The following PCDHA1 variants were observed in gnomAD, a reference collection of about 807,000 sequenced individuals.
PCDHA1 encodes protocadherin alpha 1.
In PCDHA1, 42 loss-of-function variants were observed where a neutral mutation model predicts 61.3. That is an observed-to-expected ratio of 0.69 (90% CI 0.54 to 0.89). The LOEUF (loss-of-function observed/expected upper bound fraction) is 0.89. PCDHA1 is among the 40% of genes least tolerant of loss of function. PCDHA1 has a pLI of 0.00. For missense variants in PCDHA1, 1,256 were observed against 1,235.3 expected, an observed-to-expected ratio of 1.02 and a Z score of -0.25; for synonymous variants, 610 against 553.8, an observed-to-expected ratio of 1.10 and a Z score of -1.43.
At chr5:140,858,024 C>T (rs782656168) in intron 1 of PCDHA1, 4 of 1,596,582 alleles carry the variant, frequency 2.5e-6, no homozygotes, top group African/African-American at 1.3e-5. Context: ...CCGTCGCTGA[C>T]GGCCACGGCC....
chr5:141,003,370 G>A (rs192935173), intron 3 of PCDHA1, among the ~76,000 whole-genome samples: 1 of 152,262 alleles, frequency 6.6e-6, no homozygotes, highest in East Asian at 1.9e-4. Context: ...GGAGTGCAGT[G>A]GTGCAATCTC....
chr5:140,949,068 CTT>C (rs1199095008), intron 1 of PCDHA1, among the ~76,000 whole-genome samples: 2 of 151,676 alleles, frequency 1.3e-5, no homozygotes, highest in African/African-American at 4.8e-5. Context: ...TGATTTAACT[CTT>C]TCACCCATTT....
intron 1 of PCDHA1, among the ~76,000 whole-genome samples, chr5:140,905,776 G>A (rs190550917): frequency 2.4e-3 from 372 of 152,186 alleles, no homozygotes; most frequent in Non-Finnish European, 4.1e-3. Context: ...ATTCCGAAGT[G>A]TATTAGTCAG....
At chr5:140,868,000 C>G (rs2050232725) in intron 1 of PCDHA1, 1 of 152,022 alleles carries the variant, frequency 6.6e-6, no homozygotes, top group Non-Finnish European at 1.5e-5. Flanking sequence ...ATGAATATAA[C>G]TGAATTAGAT....
chr5:140,865,903 ATCTT>A (rs1453140496), intron 1 of PCDHA1: 10 of 152,252 alleles, frequency 6.6e-5, no homozygotes, highest in African/African-American at 1.9e-4. Flanking sequence ...GTACAGGCAA[ATCTT>A]TCTTTCTGTT....
At chr5:140,991,590 G>A (rs1211923014) in intron 3 of PCDHA1, among the ~76,000 whole-genome samples, 2 of 152,098 alleles carry the variant, frequency 1.3e-5, no homozygotes, top group Non-Finnish European at 2.9e-5. Context: ...ATTTCTACCT[G>A]AGCCCTCACT....
At chr5:140,848,630 G>T in intron 1 of PCDHA1, 1 of 1,593,376 alleles carries the variant, frequency 6.3e-7, no homozygotes, top group Non-Finnish European at 8.6e-7. Flanking sequence ...GCACCTTCGT[G>T]GGCCGCATCG....
intron 1 of PCDHA1, chr5:140,928,717 T>C: frequency 6.2e-7 from 1 of 1,614,208 alleles, no homozygotes; most frequent in Non-Finnish European, 8.5e-7. Context: ...CTCTAGTCTC[T>C]TTAGAATTTC....
chr5:140,835,450 C>G lies in PCDHA1; in HGVS notation c.2394+46766C>G, dbSNP rs2150235992. 4 of 1,613,938 alleles carry G rather than the reference C, an allele frequency of 2.5e-6. No individual in the cohort carries two copies. The South Asian group carries it at 4.4e-5, about 18-fold the overall frequency. On this transcript the variant is annotated intron_variant, in intron 1 of 3. Coordinates refer to ENST00000504120, the MANE Select transcript of PCDHA1 (RefSeq NM_018900.4). The stretch of plus-strand genomic sequence containing the variant: ...CCACAGTTGACTCTCACTTCCCTGT[C>G]TCTCCCTATTCCAGAGGACGCCCAA...
chr5:140,992,847 A>G (rs183404145), intron 3 of PCDHA1, among the ~76,000 whole-genome samples: 1 of 152,264 alleles, frequency 6.6e-6, no homozygotes, highest in East Asian at 1.9e-4. Flanking sequence ...TTGTATAACA[A>G]CCAGTTTCAC....
At chr5:140,930,814 T>A (rs1554208117) in intron 1 of PCDHA1, among the ~76,000 whole-genome samples, 1 of 152,210 alleles carries the variant, frequency 6.6e-6, no homozygotes, top group Non-Finnish European at 1.5e-5. Flanking sequence ...AAGATATGCT[T>A]AGTAAATGCT....
At position 140,927,789 on chromosome 5, in the gene PCDHA1, A is replaced by G. The variant is rs781883935; in HGVS notation, c.2395-51160A>G. On this transcript the variant is annotated intron_variant, in intron 1 of 3. Transcript: ENST00000504120. The stretch of plus-strand genomic sequence containing the variant: ...GGGAGGTGCAAGTAGCTGCTTCACT[A>G]GGTCCGCCTGAAACGCTCTTGGAGG... 4 of 1,614,164 alleles carry G rather than the reference A, an allele frequency of 2.5e-6. No individual in the cohort carries two copies. The African/African-American group carries it at 4.0e-5, about 16-fold the overall frequency.
chr5:140,936,134 C>A (rs782197390), intron 1 of PCDHA1, among the ~76,000 whole-genome samples: 1 of 152,176 alleles, frequency 6.6e-6, no homozygotes, highest in Non-Finnish European at 1.5e-5. Context: ...CTTAAGTGAT[C>A]TGCCCGCCTT....
In PCDHA1 at chr5:140,788,402, C is replaced by G; in HGVS notation, c.2112C>G (p.Ile704Met). Residue 704 changes from isoleucine (I) to methionine (M), a missense_variant, in exon 1 of 4, where the codon ATC becomes ATG. Physicochemically the swap from Ile to Met is conservative, Grantham distance 10 (BLOSUM62 1). Transcript: ENST00000504120. ...VDVNVYLIIA[I>M]CAVSSLLVLT... ...TCAACGTGTACCTGATCATCGCCAT[C>G]TGCGCGGTGTCCAGCCTGCTGGTGC... The G allele has an allele frequency of 6.2e-7, 1 of 1,614,114 alleles. No homozygotes were observed. Among genetic ancestry groups the G allele is most frequent in the Non-Finnish European group, 8.5e-7 (1 of 1,179,992 alleles).
chr5:140,796,808 C>G lies in PCDHA1; in HGVS notation c.2394+8124C>G. ...CTTTCGTACGAGCTTCAGCTGGGTACTGGCAGCGCTCGCATCCCGTTCCGC... is the reference window on the plus strand; with the variant it reads ...CTTTCGTACGAGCTTCAGCTGGGTAGTGGCAGCGCTCGCATCCCGTTCCGC... On this transcript the variant is annotated intron_variant, in intron 1 of 3. Transcript: ENST00000504120. The G allele has an allele frequency of 6.2e-7, 1 of 1,614,152 alleles. No individual in the cohort carries two copies. The highest frequency in any genetic ancestry group is 8.5e-7 in the Non-Finnish European group (1 of 1,179,980).
At chr5:140,795,833 A>G in intron 1 of PCDHA1, 1 of 1,613,934 alleles carries the variant, frequency 6.2e-7, no homozygotes, top group Non-Finnish European at 8.5e-7. Context: ...TCCACTATAC[A>G]GACTAAGTTT....
At chr5:140,824,259 T>G (rs2150133705) in intron 1 of PCDHA1, 1 of 1,319,986 alleles carries the variant, frequency 7.6e-7, no homozygotes, top group South Asian at 1.3e-5. Flanking sequence ...ATTATTGCAC[T>G]AATTCATGTA....
At chr5:140,926,517 C>G (rs1428470636) in intron 1 of PCDHA1, 1 of 201,972 alleles carries the variant, frequency 5.0e-6, no homozygotes. Flanking sequence ...CCAGGCTCCG[C>G]CCTGCGCCCG....
chr5:140,874,124 TTTAAG>T (rs373641315), intron 1 of PCDHA1, among the ~76,000 whole-genome samples: 322 of 152,384 alleles, frequency 2.1e-3, no homozygotes, highest in African/African-American at 7.5e-3. Context: ...TTATAGTTTA[TTTAAG>T]TTATCTTATA....
Sources: gnomAD v4.1 joint callset for allele counts (sites outside exome capture counted in the v4.1 genomes callset) on GRCh38, gnomAD v4.1.1 for gene constraint, MANE v1.5 for transcripts, NCBI Gene and HGNC (gene_info 2026-07-23, HGNC 2026-07-21) for gene names.